The following DNAH1 variants were observed in gnomAD, a reference collection of about 807,000 sequenced individuals.
The protein encoded by DNAH1 is axonemal beta dynein heavy chain 1.
In DNAH1, 327 loss-of-function variants were observed where a neutral mutation model predicts 484.3. That is an observed-to-expected ratio of 0.68 (90% confidence interval 0.62 to 0.74). The LOEUF (loss-of-function observed/expected upper bound fraction) is 0.74, where lower values mean the gene tolerates loss of function less well. DNAH1 is among the 30% of genes least tolerant of loss of function. The pLI is 0.00. For missense variants in DNAH1, 5,052 were observed against 5,546.8 expected (o/e 0.91, Z 2.83); for synonymous variants, 2,192 against 2,191.9 (o/e 1.00, Z 0.00).
At chr3:52,349,475 A>G in intron 14 of DNAH1, 55 bp downstream of exon 14, 1 of 1,516,516 alleles carries the variant, frequency 6.6e-7, no homozygotes, top group Non-Finnish European at 9.1e-7. Context: ...CCACAGCAGC[A>G]CACACGGACC....
rs1446360887 is a variant in DNAH1, at chr3:52,392,595, T to C, written c.10184T>C (p.Leu3395Pro). The C allele has an allele frequency of 1.2e-6, 2 of 1,613,938 alleles. No homozygotes were observed. The highest frequency in any genetic ancestry group is 1.7e-6 in the Non-Finnish European group (2 of 1,179,862). ...QELKDIEDQI[L>P]YRLSSSEGNP... ...CTGAAGGACATTGAGGACCAGATCC[T>C]GTACCGGCTCAGCTCCTCCGAGGGC... The change falls in exon 64 of 78, where the codon CTG (leucine) becomes CCG (proline). Residue 3395 changes from leucine to proline, a missense_variant. Leu to Pro is a moderately conservative substitution (Grantham distance 98). This residue lies in a region of DNAH1 where 2,929 missense variants were observed against 3,409.4 expected (regional missense o/e 0.86). Coordinates refer to ENST00000420323, the MANE Select transcript of DNAH1 (RefSeq NM_015512.5).
intron 48 of DNAH1, among the ~76,000 whole-genome samples, chr3:52,380,882 G>A (rs1156893769): frequency 1.3e-5 from 2 of 152,208 alleles, no homozygotes; most frequent in African/African-American, 4.8e-5. Context: ...AAAGAAAGAA[G>A]CATTGAATTA....
chr3:52,329,692 G>T (rs1701472304), intron 6 of DNAH1, among the ~76,000 whole-genome samples: 1 of 152,090 alleles, frequency 6.6e-6, no homozygotes, highest in Non-Finnish European at 1.5e-5. Flanking sequence ...GGGCATGATG[G>T]TGTGCACCTG....
In DNAH1 at chr3:52,370,036, G is replaced by A; in HGVS notation, c.6138+17G>A. On this transcript the variant is annotated intron_variant, in intron 38 of 77. Transcript: ENST00000420323. Reference sequence around the variant, plus strand: ...TTCCTGGAGGTGAGTGAGGCCACGGGTATGTCTGACCCTGGCAGGGCAGCA... The same window carrying A: ...TTCCTGGAGGTGAGTGAGGCCACGGATATGTCTGACCCTGGCAGGGCAGCA... The A allele has an allele frequency of 2.5e-6, 4 of 1,613,122 alleles. No homozygotes were observed. Among genetic ancestry groups the A allele is most frequent in the Non-Finnish European group, 3.4e-6 (4 of 1,179,218 alleles).
chr3:52,369,661 T>C (rs565029134), intron 37 of DNAH1, among the ~76,000 whole-genome samples, 164 bp from the exon 38 acceptor site: 1 of 152,260 alleles, frequency 6.6e-6, no homozygotes, highest in South Asian at 2.1e-4. Context: ...CGTTATCAGC[T>C]GAGGACCCAG....
chr3:52,397,644 G>A lies in DNAH1; in HGVS notation c.11788-63G>A. On this transcript the variant is annotated intron_variant, in intron 73 of 77. Coordinates refer to ENST00000420323, the MANE Select transcript of DNAH1 (RefSeq NM_015512.5). ...CAAGTGGGGATGTGCTCCATTGGAGGGTAACTCTGAGGGCTGGGGCAGAGC... is the reference window on the plus strand; with the variant it reads ...CAAGTGGGGATGTGCTCCATTGGAGAGTAACTCTGAGGGCTGGGGCAGAGC... 3.4e-6 allele frequency: 5 copies of A among 1,453,604 alleles called. No individual in the cohort carries two copies. The South Asian group carries it at 6.8e-5, about 20-fold the overall frequency. The allele number at this position is 1,453,604 out of a possible 1,614,324, so 90.0% of individuals were successfully genotyped here.
rs755280061 is a variant in DNAH1, at chr3:52,350,031, A to T, written c.2569A>T (p.Lys857Ter). Residue 857 changes from lysine (K) to a stop codon, truncating the protein, a stop_gained, in exon 15 of 78, where the codon AAG (lysine) becomes TAG (stop). Transcript: ENST00000420323. LOFTEE classifies it high-confidence loss of function. ...CAGCATCAGCCGCAAGATCTATGAG[A>T]AGCCCAACAGCATTGAGGAGCTGGC... Reference protein sequence around the residue: ...FRSISRKIYEKPNSIEELAEL... With the variant: ...FRSISRKIYE The T allele has an allele frequency of 1.9e-6, 3 of 1,613,264 alleles. No individual in the cohort carries two copies. In the South Asian group the frequency reaches 3.3e-5, roughly 18 times the overall value.
intron 44 of DNAH1, chr3:52,373,990 T>C (rs1309362249): frequency 1.8e-6 from 2 of 1,131,530 alleles, no homozygotes; most frequent in Non-Finnish European, 2.7e-6. Context: ...TCTTAAGATT[T>C]TTAGAGTCTG....
In DNAH1 at chr3:52,353,331, T is replaced by A. The variant is rs181198081; in HGVS notation, c.3226+30T>A. On this transcript the variant is annotated intron_variant, in intron 19 of 77. Transcript: ENST00000420323. The surrounding 1 kb of genome is among the most constrained non-coding windows in gnomAD (Gnocchi z 5.0). ...GGAGCCAAGCCGGCCAATCCCCTCC[T>A]CCCTGCCTCTGCCGCCTGCCTCTCA... The A allele has an allele frequency of 6.2e-7, 1 of 1,607,738 alleles. No homozygotes were observed. Among genetic ancestry groups the A allele is most frequent in the East Asian group, 2.2e-5 (1 of 44,792 alleles).
In DNAH1 at chr3:52,353,624, C is replaced by A; in HGVS notation, c.3471C>A (p.Ala1157=). The change falls in exon 20 of 78, where the codon GCC becomes GCA. Residue 1157 remains alanine (A), a synonymous_variant. Coordinates refer to ENST00000420323, the MANE Select transcript of DNAH1 (RefSeq NM_015512.5). This position sits in a 1 kb window ranked among gnomAD's most constrained non-coding sequence, Gnocchi z 5.0. ...CTGAGGTGGCTGGCAAGGAGTACGC[C>A]ATCGAGCAGGTGGGTAGCCACCAGC... is the stretch of plus-strand genomic sequence containing the variant. ...KVAEVAGKEY[A]IEQALDKMEK... is the part of the protein sequence containing the mutation. 1 of 1,588,462 alleles carries A rather than the reference C, an allele frequency of 6.3e-7. No individual in the cohort carries two copies. The highest frequency in any genetic ancestry group is 1.8e-5 in the Admixed American group (1 of 55,794).
chr3:52,389,010 C>T, intron 59 of DNAH1, 73 bp downstream of exon 59: 1 of 1,477,870 alleles, frequency 6.8e-7, no homozygotes, highest in Non-Finnish European at 9.0e-7. Flanking sequence ...GAGGCCTCGC[C>T]TCCATGATAG....
intron 51 of DNAH1, 40 bp downstream of exon 51, chr3:52,383,634 G>A: frequency 4.6e-6 from 7 of 1,517,198 alleles, no homozygotes; most frequent in Non-Finnish European, 6.2e-6. Context: ...GGGCAGCGGA[G>A]CTGGGTGTGT....
At chr3:52,331,378 A>C in intron 7 of DNAH1, 69 bp downstream of exon 7, 2 of 1,515,922 alleles carry the variant, frequency 1.3e-6, no homozygotes, top group Non-Finnish European at 1.8e-6. Context: ...ACTGAGGCCA[A>C]CTCCGCCCAG....
Position 52,386,754 on chromosome 3 carries a change from A to G in DNAH1, c.8904A>G (p.Gly2968=). The part of the protein sequence containing the change: ...MKGIKPKKVP[G]EKPGTKVDDY... ...GCATCAAGCCCAAGAAGGTGCCTGG[A>G]GAAAAGCCAGGCACCAAGGTGGATG... Residue 2968 remains glycine (G), a synonymous_variant, in exon 56 of 78, where the codon GGA becomes GGG. Transcript: ENST00000420323. 1 of 1,588,006 alleles carries G rather than the reference A, an allele frequency of 6.3e-7. No individual in the cohort carries two copies.
Position 52,322,450 on chromosome 3 carries a change from A to C in DNAH1, c.8A>C (p.Gln3Pro). The change falls in exon 2 of 78, where the codon CAG (glutamine) becomes CCG (proline). Residue 3 changes from glutamine to proline, a missense_variant. This residue lies in a region of DNAH1 where 1,263 missense variants were observed against 1,218.8 expected (regional missense o/e 1.04). Coordinates refer to ENST00000420323, the MANE Select transcript of DNAH1 (RefSeq NM_015512.5). ...ATCTCCCTGAGAAGCAGCATGGAGCAGCCTAACAGTAAAGGCTATAGCCTG... is the reference window on the plus strand; with the variant it reads ...ATCTCCCTGAGAAGCAGCATGGAGCCGCCTAACAGTAAAGGCTATAGCCTG... ME[Q>P]PNSKGYSLGR... The C allele has an allele frequency of 6.2e-7, 1 of 1,606,544 alleles. No individual in the cohort carries two copies. The highest frequency in any genetic ancestry group is 8.5e-7 in the Non-Finnish European group (1 of 1,177,860).
In DNAH1 at chr3:52,350,002, TC is replaced by T; in HGVS notation, c.2542del (p.Arg848AlafsTer24). ...TCCCACTGCCAGATCTGCGAGGAGTTCCGCAGCATCAGCCGCAAGATCTATG... is the reference window on the plus strand; with the variant it reads ...TCCCACTGCCAGATCTGCGAGGAGTTCGCAGCATCAGCCGCAAGATCTATG... ...HKEVDSICEE[F>X]RSISRKIYEK... On this transcript the variant is annotated frameshift_variant, in exon 15 of 78. Coordinates refer to ENST00000420323, the MANE Select transcript of DNAH1 (RefSeq NM_015512.5). LOFTEE classifies it high-confidence loss of function. 6.2e-7 allele frequency: 1 copy of T among 1,610,468 alleles called. No homozygotes were observed. Among genetic ancestry groups the T allele is most frequent in the Non-Finnish European group, 8.5e-7 (1 of 1,178,634 alleles).
rs1702544128 is a variant in DNAH1, at chr3:52,354,898, A to G, written c.3536A>G (p.Tyr1179Cys). 1.9e-6 allele frequency: 3 copies of G among 1,613,970 alleles called. No homozygotes were observed. Among genetic ancestry groups the G allele is most frequent in the East Asian group, 4.5e-5 (2 of 44,860 alleles). Residue 1179 changes from tyrosine to cysteine, a missense_variant, in exon 21 of 78, where the codon TAC becomes TGC. By Grantham distance (194) the Tyr-to-Cys change is radical (BLOSUM62 -2). Transcript: ENST00000420323. ...ACCATCCTGTTCAATGTACTGCCCT[A>G]CAAGGCGACAGACACCTACATCCTG... is the stretch of plus-strand genomic sequence containing the variant. ...WSTILFNVLP[Y>C]KATDTYILKS...
rs373597402 is a variant in DNAH1, at chr3:52,364,749, A to G, written c.5331+25A>G. Reference sequence around the variant, plus strand: ...GGTGAGCTCCACCCAGCAGGGCTCCAGGAGTGGAACTCTGGGAGGGCTCCT... The same window carrying G: ...GGTGAGCTCCACCCAGCAGGGCTCCGGGAGTGGAACTCTGGGAGGGCTCCT... On this transcript the variant is annotated intron_variant, in intron 33 of 77. Coordinates refer to ENST00000420323, the MANE Select transcript of DNAH1 (RefSeq NM_015512.5). The surrounding 1 kb of genome is among the most constrained non-coding windows in gnomAD (Gnocchi z 4.2). 3.1e-6 allele frequency: 5 copies of G among 1,609,452 alleles called. No homozygotes were observed. The highest frequency in any genetic ancestry group is 3.4e-6 in the Non-Finnish European group (4 of 1,177,270).
chr3:52,339,830 G>C lies in DNAH1; in HGVS notation c.1287-4660G>C, dbSNP rs139581658. Among the ~76,000 whole-genome samples the C allele has an allele frequency of 3.2e-3, 487 of 151,564 alleles. 3 individuals carry two copies. The highest frequency in any genetic ancestry group is 0.011 in the African/African-American group (459 of 41,306). On this transcript the variant is annotated intron_variant, in intron 8 of 77. Coordinates refer to ENST00000420323, the MANE Select transcript of DNAH1 (RefSeq NM_015512.5). ...TGTGTGTGTGTGTGTGTGTGTGTGT[G>C]TACACACGTGCTGGGGAGAGGGATG...
Sources: allele counts gnomAD v4.1 joint callset (sites outside exome capture counted in the v4.1 genomes callset), GRCh38; gene constraint gnomAD v4.1.1; regional missense constraint gnomAD v4.1.1; non-coding constraint Gnocchi (gnomAD v3.1); transcripts MANE v1.5; gene names NCBI Gene and HGNC (gene_info 2026-07-23, HGNC 2026-07-21).